PCID2: variants seen among roughly 807,000 people sequenced by gnomAD.
PCID2 encodes PCI domain-containing protein 2.
PCID2 carries 41 observed loss-of-function variants against 61.3 expected under a neutral mutation model. The ratio of observed to expected loss-of-function variants is 0.67; its 90% CI spans 0.52 to 0.87. The LOEUF is 0.87. Ranked by LOEUF, PCID2 falls within the 40% of genes least tolerant of loss-of-function variation. The pLI, the probability that PCID2 is intolerant of heterozygous loss-of-function variation, is 0.00. For missense variants in PCID2, 392 were observed against 493.4 expected, an observed-to-expected ratio of 0.79 and a Z score of 1.95; for synonymous variants, 187 against 177.8, an observed-to-expected ratio of 1.05 and a Z score of -0.41.
In PCID2 at chr13:113,178,254, G is replaced by C; in HGVS notation, c.1144C>G (p.Gln382Glu). The change falls in exon 14 of 14, where the codon CAG (glutamine) becomes GAG (glutamate). Residue 382 changes from glutamine to glutamate, a missense_variant. By Grantham distance (29) the Gln-to-Glu change is conservative (BLOSUM62 2). Transcript: ENST00000337344. ...TTCTGCTTGCTGACCACCAGCTTCT[G>C]ATGCTGATGCGATATGTAGCCTTTG... ...HVKGYISHQH[Q>E]KLVVSKQNPF... The C allele has an allele frequency of 6.2e-7, 1 of 1,613,818 alleles. No homozygotes were observed. The highest frequency in any genetic ancestry group is 8.5e-7 in the Non-Finnish European group (1 of 1,179,782).
intron 6 of PCID2, among the ~76,000 whole-genome samples, chr13:113,192,308 T>C (rs2038685113): frequency 6.6e-6 from 1 of 152,232 alleles, no homozygotes; most frequent in African/African-American, 2.4e-5. Context: ...TTCTTAAATC[T>C]TGGTCCTTGA....
chr13:113,208,339 G>A (rs1426413183), intron 1 of PCID2: 2 of 1,431,928 alleles, frequency 1.4e-6, no homozygotes, highest in Admixed American at 5.7e-5. Context: ...TGGGACCGCC[G>A]CGTCTACTTA....
chr13:113,165,780 C>T, the PCID2 span, among the ~76,000 whole-genome samples: 49 of 152,340 alleles, frequency 3.2e-4, no homozygotes, highest in East Asian at 8.7e-3. Context: ...ACCCACCTGC[C>T]TTGGCCTCCC....
chr13:113,195,092 G>A lies in PCID2; in HGVS notation c.342C>T (p.Asp114=), dbSNP rs773364104. 3.1e-6 allele frequency: 5 copies of A among 1,610,832 alleles called. No individual in the cohort carries two copies. Among genetic ancestry groups the A allele is most frequent in the Non-Finnish European group, 4.2e-6 (5 of 1,176,986 alleles). Residue 114 remains aspartate (D), a synonymous_variant, in exon 6 of 14, where the codon GAC becomes GAT. Coordinates refer to ENST00000337344, the MANE Select transcript of PCID2 (RefSeq NM_001127202.4). ...TTACATTATTGGCAAACACTCGAAGGTCAAGCGCTACTGCATACATGACAG... is the reference window on the plus strand; with the variant it reads ...TTACATTATTGGCAAACACTCGAAGATCAAGCGCTACTGCATACATGACAG... The part of the protein sequence containing the change: ...ALPVMYAVAL[D]LRVFANNADQ...
At chr13:113,205,347 C>G (rs2039731511) in intron 1 of PCID2, among the ~76,000 whole-genome samples, 1 of 152,050 alleles carries the variant, frequency 6.6e-6, no homozygotes, top group African/African-American at 2.4e-5. Context: ...AGCAGGATGG[C>G]CATAATAAAA....
At chr13:113,208,248 G>A in intron 1 of PCID2, 3 of 1,444,828 alleles carry the variant, frequency 2.1e-6, no homozygotes, top group Non-Finnish European at 2.7e-6. Context: ...ACCGCCCACA[G>A]CGGGCCCTCG....
chr13:113,177,519 TA>T (rs2037224266), downstream of PCID2: 1 of 152,246 alleles, frequency 6.6e-6, no homozygotes, highest in Admixed American at 6.5e-5. Flanking sequence ...TAAGGAAGGC[TA>T]GAGTGAGCCA....
rs774469065 is a variant in PCID2 at position 113,200,434 on chromosome 13, C to G, written c.119G>C (p.Arg40Pro). ...CACAGCTCTTTCACCTACTTGAAGT[C>G]GTGGGTTTGCAACATGAGGATGTTT... ...SFKHPHVANPRLQMASPEEKC... is the reference protein window; with the variant it reads ...SFKHPHVANPPLQMASPEEKC... Residue 40 changes from arginine (R) to proline (P), a missense_variant, in exon 2 of 14, where the codon CGA becomes CCA. By Grantham distance (103) the Arg-to-Pro change is moderately radical (BLOSUM62 -2). Around this residue, in one of 3 missense-constraint regions of PCID2, gnomAD observed 155 missense variants for 164.9 expected, o/e 0.94. Coordinates refer to ENST00000337344, the MANE Select transcript of PCID2 (RefSeq NM_001127202.4). The G allele has an allele frequency of 6.2e-7, 1 of 1,602,768 alleles. No individual in the cohort carries two copies. The highest frequency in any genetic ancestry group is 1.1e-5 in the South Asian group (1 of 90,850).
intron 4 of PCID2, among the ~76,000 whole-genome samples, chr13:113,196,553 G>C (rs1051935546): frequency 6.6e-6 from 1 of 152,198 alleles, no homozygotes; most frequent in Non-Finnish European, 1.5e-5. Context: ...AAGTGCTTTA[G>C]AATCTGTAGC....
intron 7 of PCID2, chr13:113,188,484 C>G (rs1012927026): frequency 6.6e-6 from 1 of 152,276 alleles, no homozygotes; most frequent in African/African-American, 2.4e-5. Flanking sequence ...GGAAGTCCAC[C>G]TGGCCTTTGC....
At chr13:113,180,076 G>A (rs745960469) in intron 11 of PCID2, 34 bp from the exon 12 acceptor site, 10 of 1,613,566 alleles carry the variant, frequency 6.2e-6, no homozygotes, top group Middle Eastern at 1.6e-4. Context: ...GAAGGAGGGT[G>A]AGTTTCTCAC....
intron 1 of PCID2, chr13:113,208,037 A>G (rs371242873): frequency 6.2e-6 from 10 of 1,612,664 alleles, no homozygotes; most frequent in Admixed American, 1.7e-5. Flanking sequence ...CTGTTGAACA[A>G]CATCTGTCAG....
intron 1 of PCID2, chr13:113,208,263 G>T: frequency 6.9e-7 from 1 of 1,441,764 alleles, no homozygotes. Context: ...CCCTCGGCGT[G>T]GCCCGCAGGC....
downstream of PCID2, among the ~76,000 whole-genome samples, chr13:113,176,692 G>A (rs1311515331): frequency 6.6e-6 from 1 of 152,204 alleles, no homozygotes; most frequent in African/African-American, 2.4e-5. Context: ...GAGTCTCGGA[G>A]GTCGAGGCTG....
rs187700074 is a variant in PCID2 at position 113,178,084 on chromosome 13, G to A, written c.*114C>T. ...CAGCCTCAGCATCCCTGGGAAAAGC[G>A]CCTCCAAGAGTTCCGGCTTCAGGGA... On this transcript the variant is annotated 3_prime_UTR_variant, in exon 14 of 14. Transcript: ENST00000337344. The A allele has an allele frequency of 5.2e-4, 329 of 632,160 alleles. No homozygotes were observed. Among genetic ancestry groups the A allele is most frequent in the African/African-American group, 4.6e-3 (250 of 54,806 alleles). 39.2% of individuals were successfully genotyped at this position (632,160 alleles called of 1,614,324 possible).
At chr13:113,167,210 C>T in the PCID2 span, among the ~76,000 whole-genome samples, 1 of 152,126 alleles carries the variant, frequency 6.6e-6, no homozygotes, top group Admixed American at 6.5e-5. Flanking sequence ...GCGCAAGTGC[C>T]GTCTTCTCTC....
intron 4 of PCID2, among the ~76,000 whole-genome samples, chr13:113,196,548 C>T (rs1473381837): frequency 6.6e-6 from 1 of 152,160 alleles, no homozygotes; most frequent in Non-Finnish European, 1.5e-5. Context: ...TATTTAAGTG[C>T]TTTAGAATCT....
chr13:113,193,124 T>C (rs2038746166), intron 6 of PCID2, among the ~76,000 whole-genome samples: 2 of 152,202 alleles, frequency 1.3e-5, no homozygotes, highest in African/African-American at 4.8e-5. Flanking sequence ...CAGTTTATAG[T>C]ATTTTCTTAT....
Position 113,179,991 on chromosome 13 carries a change from G to A in PCID2, c.912C>T (p.Phe304=). The A allele has an allele frequency of 1.9e-6, 3 of 1,614,124 alleles. No individual in the cohort carries two copies. Among genetic ancestry groups the A allele is most frequent in the Non-Finnish European group, 2.5e-6 (3 of 1,179,994 alleles). ...LHEALAKHEA[F]FIRCGIFLIL... ...TGAGGAAGATTCCGCAGCGAATGAA[G>A]AAGGCCTCGTGCTTCGCCAGCGCCT... The change falls in exon 12 of 14, where the codon TTC becomes TTT. Residue 304 remains phenylalanine (F), a synonymous_variant. Coordinates refer to ENST00000337344, the MANE Select transcript of PCID2 (RefSeq NM_001127202.4). The surrounding 1 kb of genome is among the most constrained non-coding windows in gnomAD (Gnocchi z 4.3).
Sources: allele counts gnomAD v4.1 joint callset (sites outside exome capture counted in the v4.1 genomes callset), GRCh38; gene constraint gnomAD v4.1.1; regional missense constraint gnomAD v4.1.1; non-coding constraint Gnocchi (gnomAD v3.1); transcripts MANE v1.5; gene names NCBI Gene and HGNC (gene_info 2026-07-23, HGNC 2026-07-21).